Variants in ADGRD2 observed in about 807,000 individuals in gnomAD.
The protein encoded by ADGRD2 is adhesion G protein-coupled receptor D2.
In ADGRD2, 71 loss-of-function variants were observed where a neutral mutation model predicts 44.4. The observed-to-expected ratio is 1.60, with a 90% confidence interval of 1.32 to 1.95. The LOEUF is 1.95. Among genes scored for constraint, ADGRD2 ranks in the 30% most tolerant of loss-of-function variants. The pLI is 0.00. For missense variants in ADGRD2, 1,039 were observed against 512.4 expected, an observed-to-expected ratio of 2.03 and a Z score of -9.92; for synonymous variants, 481 against 224.8, an observed-to-expected ratio of 2.14 and a Z score of -10.19.
chr9:124,473,378 CTTG>C (rs751522519), intron 17 of ADGRD2, among the ~76,000 whole-genome samples: 1 of 152,228 alleles, frequency 6.6e-6, no homozygotes, highest in Non-Finnish European at 1.5e-5. Context: ...TGGACAGAGC[CTTG>C]TTGTGAGGCC....
rs746588959 is a variant in ADGRD2, at chr9:124,454,342, G to T, written c.1023-142G>T. 31 of 601,270 alleles carry T rather than the reference G, an allele frequency of 5.2e-5. No homozygotes were observed. Among genetic ancestry groups the T allele is most frequent in the Non-Finnish European group, 9.0e-5 (30 of 333,396 alleles). 37.2% of individuals were successfully genotyped at this position (601,270 alleles called of 1,614,324 possible). On this transcript the variant is annotated intron_variant, in intron 4 of 21. Coordinates refer to ENST00000334810, the Ensembl canonical transcript of ADGRD2. The surrounding 1 kb of genome is among the most constrained non-coding windows in gnomAD (Gnocchi z 4.5). The stretch of plus-strand genomic sequence containing the variant: ...CCTCAGTTTCCCCATCTAGAACACC[G>T]TGTGTAAGACTCTGGACACACAGCC...
Position 124,470,576 on chromosome 9 carries a change from G to A in ADGRD2, c.2722G>A (p.Ala908Thr), listed in dbSNP as rs151185470. ...AGGCATCCTGGTGCACCTGAGCCCC[G>A]CCTGGGCCTACGCTGCCGTGGGCCT... Residue 908 changes from alanine to threonine, a missense_variant, in exon 17 of 22, where the codon GCC becomes ACC. Physicochemically the swap from Ala to Thr is moderately conservative, Grantham distance 58. Coordinates refer to ENST00000334810, the Ensembl canonical transcript of ADGRD2. 2.4e-4 allele frequency: 169 copies of A among 709,118 alleles called. 2 individuals carry two copies. The East Asian group carries it at 3.3e-3, about 14-fold the overall frequency. 43.9% of individuals were successfully genotyped at this position (709,118 alleles called of 1,614,324 possible).
chr9:124,451,474 G>A (rs1831466753), upstream of ADGRD2: 3 of 348,862 alleles, frequency 8.6e-6, no homozygotes, highest in African/African-American at 6.4e-5. Context: ...CCCCATCCTG[G>A]GCTTCCAGCC....
intron 13 of ADGRD2, 117 bp from the exon 17 acceptor site, chr9:124,468,402 G>A (rs1831874337): frequency 1.4e-6 from 1 of 698,468 alleles, no homozygotes; most frequent in South Asian, 1.5e-5. Context: ...GCTACCCAGA[G>A]GCCTCACCCA....
exon 10 of ADGRD2, chr9:124,458,629 C>G: frequency 1.4e-6 from 1 of 718,826 alleles, no homozygotes; most frequent in Non-Finnish European, 2.6e-6. Flanking sequence ...CCTAAGCACC[C>G]AGGTGGGGTC....
In ADGRD2 at chr9:124,476,566, G is replaced by C. The variant is rs1564144860; in HGVS notation, c.2905-113G>C. On this transcript the variant is annotated intron_variant, in intron 20 of 21. Transcript: ENST00000334810. ...CTGTTCTTGGGCTGAAGGGCCCAGG[G>C]AGGGGGAGCTGCTGGCGGCAAGCTG... The C allele has an allele frequency of 6.2e-6, 4 of 641,782 alleles. No individual in the cohort carries two copies. In the East Asian group the frequency reaches 1.1e-4, roughly 18 times the overall value. 39.8% of individuals were successfully genotyped at this position (641,782 alleles called of 1,614,324 possible). A position where few individuals can be genotyped will look rare whatever the true frequency, so the allele number is the denominator to read the frequency against.
Position 124,454,430 on chromosome 9 carries a change from A to C in ADGRD2, c.1023-54A>C. The C allele has an allele frequency of 1.5e-6, 1 of 689,082 alleles. No homozygotes were observed. The allele number at this position is 689,082 out of a possible 1,614,324, so 42.7% of individuals were successfully genotyped here. The stretch of plus-strand genomic sequence containing the variant: ...GGTGGAGGTCACTGAACAGGCTGGC[A>C]TCTCTGGGCAGGGGTATTGCCCGGG... On this transcript the variant is annotated intron_variant, in intron 4 of 21. Coordinates refer to ENST00000334810, the Ensembl canonical transcript of ADGRD2. This position sits in a 1 kb window ranked among gnomAD's most constrained non-coding sequence, Gnocchi z 4.5.
intron 8 of ADGRD2, 62 bp downstream of exon 11, chr9:124,457,668 A>G: frequency 1.8e-6 from 1 of 550,426 alleles, no homozygotes; most frequent in Non-Finnish European, 3.3e-6. Flanking sequence ...CTCAGCTCTA[A>G]CTGTCGCTAG....
At position 124,469,204 on chromosome 9, in the gene ADGRD2, C is replaced by T. The variant is rs1274789862; in HGVS notation, c.2388-18C>T. 7.1e-6 allele frequency: 5 copies of T among 705,278 alleles called. No individual in the cohort carries two copies. The highest frequency in any genetic ancestry group is 1.5e-5 in the South Asian group (1 of 67,028). 43.7% of individuals were successfully genotyped at this position (705,278 alleles called of 1,614,324 possible). On this transcript the variant is annotated intron_variant, in intron 14 of 21. Transcript: ENST00000334810. ...AAGCAGGTGACCCAGCCTTGAGGCC[C>T]CCTTCTCCCTCTCCCAGGCGTGCCT... is the stretch of plus-strand genomic sequence containing the variant.
At chr9:124,467,781 T>C (rs1277776381) in exon 12 of ADGRD2, 1 of 718,538 alleles carries the variant, frequency 1.4e-6, no homozygotes, top group South Asian at 1.5e-5. Context: ...TGGCGTGTCC[T>C]TCTGCGCCCT....
intron 16 of ADGRD2, 137 bp downstream of exon 19, chr9:124,469,684 T>G: frequency 1.6e-6 from 1 of 639,860 alleles, no homozygotes; most frequent in South Asian, 1.8e-5. Flanking sequence ...CAAGTCTGTA[T>G]TGAGTATGTG....
At position 124,454,161 on chromosome 9, in the gene ADGRD2, G is replaced by T. The variant is rs899528281; in HGVS notation, c.1022+64G>T. 19 of 614,524 alleles carry T rather than the reference G, an allele frequency of 3.1e-5. No individual in the cohort carries two copies. The highest frequency in any genetic ancestry group is 5.6e-5 in the Non-Finnish European group (19 of 339,376). 38.1% of individuals were successfully genotyped at this position (614,524 alleles called of 1,614,324 possible). A position where few individuals can be genotyped will look rare whatever the true frequency, so the allele number is the denominator to read the frequency against. Reference sequence around the variant, plus strand: ...AAGCCGGTGTGGACCGGAGTAGACTGAGAGGGGGTGAGCTGCTGGCAAAGT... The same window carrying T: ...AAGCCGGTGTGGACCGGAGTAGACTTAGAGGGGGTGAGCTGCTGGCAAAGT... On this transcript the variant is annotated intron_variant, in intron 4 of 21. Coordinates refer to ENST00000334810, the Ensembl canonical transcript of ADGRD2. This position sits in a 1 kb window ranked among gnomAD's most constrained non-coding sequence, Gnocchi z 4.5.
chr9:124,459,174 G>A (rs1028297940), intron 10 of ADGRD2, among the ~76,000 whole-genome samples: 1 of 152,168 alleles, frequency 6.6e-6, no homozygotes. Context: ...TAACCTAAAT[G>A]TCCATCAGTA....
At chr9:124,475,714 A>T (rs1832038215) in intron 19 of ADGRD2, 99 bp downstream of exon 22, 4 of 558,682 alleles carry the variant, frequency 7.2e-6, no homozygotes, top group Admixed American at 6.9e-5. Context: ...CAGCCCTGCC[A>T]GCTGGGGGAC....
At chr9:124,465,640 C>T (rs1831806352) in intron 10 of ADGRD2, 1 of 152,208 alleles carries the variant, frequency 6.6e-6, no homozygotes, top group Non-Finnish European at 1.5e-5. Context: ...GTGTGAACCA[C>T]CAAACCCAGC....
chr9:124,457,404 CT>C, intron 7 of ADGRD2, 67 bp from the exon 11 acceptor site: 2 of 506,270 alleles, frequency 4.0e-6, no homozygotes, highest in Non-Finnish European at 7.1e-6. Flanking sequence ...CCAGACCCTG[CT>C]AGCTGGGCCT....
chr9:124,453,567 A>T (rs1831548402), exon 3 of ADGRD2: 4 of 698,652 alleles, frequency 5.7e-6, no homozygotes, highest in Non-Finnish European at 1.0e-5. Context: ...TGCACCGGGC[A>T]CGGGCCTGCG....
chr9:124,465,842 G>C (rs1006348465), intron 10 of ADGRD2: 1 of 154,028 alleles, frequency 6.5e-6, no homozygotes, highest in Admixed American at 6.5e-5. Context: ...AGTATGTGAA[G>C]GAGGAAGCAC....
intron 8 of ADGRD2, 66 bp downstream of exon 11, chr9:124,457,672 T>A (rs1365065236): frequency 1.8e-6 from 1 of 548,754 alleles, no homozygotes; most frequent in African/African-American, 1.9e-5. Context: ...GCTCTAACTG[T>A]CGCTAGCTGT....
Sources: allele counts gnomAD v4.1 joint callset (sites outside exome capture counted in the v4.1 genomes callset), GRCh38; gene constraint gnomAD v4.1.1; non-coding constraint Gnocchi (gnomAD v3.1); transcripts MANE v1.5; gene names NCBI Gene and HGNC (gene_info 2026-07-23, HGNC 2026-07-21).